Variants in MAML3 observed in about 807,000 individuals in gnomAD.
MAML3 encodes the protein mastermind like transcriptional coactivator 3.
Under a neutral mutation model 101.9 loss-of-function variants are expected in MAML3, and 27 were observed. The ratio of observed to expected loss-of-function variants is 0.27; its 90% CI spans 0.20 to 0.37. The LOEUF (loss-of-function observed/expected upper bound fraction) is 0.37. Among genes scored for constraint, MAML3 ranks in the 10% least tolerant of loss-of-function variants. The pLI, the probability that MAML3 is intolerant of heterozygous loss-of-function variation, is 1.00. For synonymous variants in MAML3, 501 were observed against 555.9 expected (o/e 0.90, Z 1.39); for missense variants, 1,316 against 1,444.9 (o/e 0.91, Z 1.45).
intron 1 of MAML3, among the ~76,000 whole-genome samples, chr4:140,130,973 G>C (rs755779288): frequency 2.0e-5 from 3 of 152,076 alleles, no homozygotes; most frequent in Non-Finnish European, 4.4e-5. Flanking sequence ...TCTAAATAGA[G>C]AGGACCAGCA....
At chr4:140,035,732 G>A (rs1307848291) in intron 1 of MAML3, among the ~76,000 whole-genome samples, 2 of 150,966 alleles carry the variant, frequency 1.3e-5, no homozygotes, top group Non-Finnish European at 2.9e-5. Context: ...GCAGTGAGCC[G>A]AGACTGCACC....
At chr4:139,900,976 T>A (rs996958892) in intron 1 of MAML3, among the ~76,000 whole-genome samples, 26 of 152,218 alleles carry the variant, frequency 1.7e-4, no homozygotes, top group African/African-American at 6.3e-4. Context: ...ACAGCCCTAC[T>A]CAGTTATGCC....
At chr4:139,878,781 G>GT (rs924171279) in intron 2 of MAML3, among the ~76,000 whole-genome samples, 2 of 152,188 alleles carry the variant, frequency 1.3e-5, no homozygotes, top group African/African-American at 4.8e-5. Flanking sequence ...ACACAGGGTT[G>GT]TGGCTGACCT....
intron 1 of MAML3, among the ~76,000 whole-genome samples, chr4:139,974,250 C>T (rs1217808561): frequency 1.3e-5 from 2 of 151,898 alleles, no homozygotes; most frequent in Non-Finnish European, 2.9e-5. Flanking sequence ...GGATTACAGG[C>T]GCCCACCACC....
intron 1 of MAML3, among the ~76,000 whole-genome samples, chr4:139,944,031 C>T (rs976516114): frequency 3.3e-5 from 5 of 151,812 alleles, no homozygotes; most frequent in African/African-American, 7.3e-5. Context: ...CCACCACACC[C>T]GACTAATATT....
At chr4:140,074,199 G>GAA (rs769493248) in intron 1 of MAML3, among the ~76,000 whole-genome samples, 56 of 82,036 alleles carry the variant, frequency 6.8e-4, no homozygotes, top group African/African-American at 2.1e-3. Context: ...GAGAAAGAAA[G>GAA]AGAAAGAAAG....
intron 1 of MAML3, among the ~76,000 whole-genome samples, chr4:139,983,562 A>G (rs924265717): frequency 3.3e-5 from 5 of 152,182 alleles, no homozygotes; most frequent in Non-Finnish European, 7.3e-5. Context: ...CTGGTTGAGC[A>G]TCTGAAATCC....
chr4:140,044,014 G>A (rs4863731), intron 1 of MAML3, among the ~76,000 whole-genome samples: 77,693 of 151,938 alleles, frequency 0.51, 23,230 homozygotes, highest in East Asian at 0.95. Context: ...AATAATACCC[G>A]TTCATTTTTC....
At chr4:139,961,808 T>C (rs1014829230) in intron 1 of MAML3, among the ~76,000 whole-genome samples, 5 of 152,110 alleles carry the variant, frequency 3.3e-5, no homozygotes, top group Non-Finnish European at 7.4e-5. Context: ...CCTAACCTAA[T>C]GCATCATGAG....
chr4:140,024,452 C>T (rs1726787763), intron 1 of MAML3, among the ~76,000 whole-genome samples: 1 of 152,088 alleles, frequency 6.6e-6, no homozygotes, highest in Admixed American at 6.5e-5. Flanking sequence ...TGGTCTCAAA[C>T]ACCTGGCTTC....
At chr4:140,073,417 C>T (rs1323708567) in intron 1 of MAML3, among the ~76,000 whole-genome samples, 2 of 152,108 alleles carry the variant, frequency 1.3e-5, no homozygotes, top group South Asian at 2.1e-4. Context: ...GGATTACAGG[C>T]GTGAACCACC....
In MAML3 at chr4:139,903,212, C is replaced by T. The variant is rs192132340; in HGVS notation, c.469-12245G>A. On this transcript the variant is annotated intron_variant, in intron 1 of 4. Transcript: ENST00000509479. ...TCTGTCACCCAGGCCTTGGCTCAAG[C>T]GATCCTCCCACCTAAGCCTCTCAAA... Among the ~76,000 whole-genome samples, 5 of 152,270 alleles carry T rather than the reference C, an allele frequency of 3.3e-5. No individual in the cohort carries two copies. The East Asian group carries it at 5.8e-4, about 18-fold the overall frequency.
At chr4:139,724,825 A>G (rs1466176965) in intron 4 of MAML3, among the ~76,000 whole-genome samples, 1 of 143,612 alleles carries the variant, frequency 7.0e-6, no homozygotes, top group Admixed American at 7.2e-5. Context: ...CCCAGGCTGG[A>G]GTAGCTCACT....
At chr4:139,900,283 A>C (rs4447818) in intron 1 of MAML3, among the ~76,000 whole-genome samples, 129,401 of 152,200 alleles carry the variant, frequency 0.85, 55,407 homozygotes, top group South Asian at 0.92. Context: ...TCCTGATTTA[A>C]TGACTCTTTA....
chr4:139,787,544 G>C (rs914488259), intron 2 of MAML3, among the ~76,000 whole-genome samples: 7 of 152,066 alleles, frequency 4.6e-5, no homozygotes, highest in African/African-American at 1.4e-4. Flanking sequence ...TCTCTTTTCT[G>C]GGATTTAATA....
Position 139,890,801 on chromosome 4 carries a change from A to C in MAML3, c.635T>G (p.Leu212Arg). 6.2e-7 allele frequency: 1 copy of C among 1,614,062 alleles called. No homozygotes were observed. Among genetic ancestry groups the C allele is most frequent in the Non-Finnish European group, 8.5e-7 (1 of 1,179,906 alleles). ...AINNLPSNMP[L>R]PSASPLHQLD... ...TTGGTGAAGAGGAGAAGCTGAAGGC[A>C]GTGGCATGTTACTGGGCAAATTGTT... is the stretch of plus-strand genomic sequence containing the variant. The change falls in exon 2 of 5, where the codon CTG becomes CGG. Residue 212 changes from leucine to arginine, a missense_variant. Leu to Arg is a moderately radical substitution (Grantham distance 102). Transcript: ENST00000509479. This position sits in a 1 kb window ranked among gnomAD's most constrained non-coding sequence, Gnocchi z 4.1.
At position 139,730,903 on chromosome 4, in the gene MAML3, C is replaced by T. The variant is rs1048468433; in HGVS notation, c.2080-236G>A. The T allele has an allele frequency of 7.2e-5, 41 of 572,138 alleles. No individual in the cohort carries two copies. In the African/African-American group the frequency reaches 7.5e-4, roughly 10 times the overall value. 35.4% of individuals were successfully genotyped at this position (572,138 alleles called of 1,614,324 possible). On this transcript the variant is annotated intron_variant, in intron 2 of 4. Transcript: ENST00000509479. ...AGCATGGCTCTGGGAAGTCCAAGGC[C>T]AAGTCCAGTCTGTTTCGGATGGGAC...
At chr4:139,849,707 A>G (rs1009230974) in intron 2 of MAML3, among the ~76,000 whole-genome samples, 2 of 152,226 alleles carry the variant, frequency 1.3e-5, no homozygotes, top group Non-Finnish European at 2.9e-5. Flanking sequence ...CAGTTAATCC[A>G]ATGAGATCCA....
In MAML3 at chr4:139,792,885, T is replaced by C. The variant is rs1046514509; in HGVS notation, c.2080-62218A>G. 2.6e-5 allele frequency among the ~76,000 whole-genome samples: 4 copies of C among 151,898 alleles called. No homozygotes were observed. The South Asian group carries it at 6.2e-4, about 24-fold the overall frequency. On this transcript the variant is annotated intron_variant, in intron 2 of 4. Transcript: ENST00000509479. ...TCAGCCTCCCAAGTAACTGGGACTA[T>C]AGGCGCCCACCACCAGGCCAGGCTA...
Sources: gnomAD v4.1 joint callset for allele counts (sites outside exome capture counted in the v4.1 genomes callset) on GRCh38, gnomAD v4.1.1 for gene constraint, Gnocchi (gnomAD v3.1) non-coding constraint, MANE v1.5 for transcripts, NCBI Gene and HGNC (gene_info 2026-07-23, HGNC 2026-07-21) for gene names.